The following SYTL2 variants were observed in gnomAD, a reference collection of about 807,000 sequenced individuals.
The protein encoded by SYTL2 is synaptotagmin like 2.
In SYTL2, 165 loss-of-function variants were observed where a neutral mutation model predicts 198.7. The observed-to-expected ratio is 0.83, with a 90% CI of 0.73 to 0.94. SYTL2 has a LOEUF of 0.94. Among genes scored for constraint, SYTL2 ranks in the 40% least tolerant of loss-of-function variants. SYTL2 has a pLI of 0.00. For synonymous variants in SYTL2, 966 were observed against 917.7 expected, an observed-to-expected ratio of 1.05 and a Z score of -0.95; for missense variants, 2,835 against 2,582.8, an observed-to-expected ratio of 1.10 and a Z score of -2.12.
chr11:85,829,453 C>T, the SYTL2 span, among the ~76,000 whole-genome samples: 4 of 152,100 alleles, frequency 2.6e-5, no homozygotes, highest in African/African-American at 7.2e-5. Context: ...AATCCACTGT[C>T]GATGGGCACG....
intron 8 of SYTL2, among the ~76,000 whole-genome samples, chr11:85,722,125 T>C (rs2088403012): frequency 6.6e-6 from 1 of 151,944 alleles, no homozygotes; most frequent in Non-Finnish European, 1.5e-5. Context: ...TACTTCTTAA[T>C]TGGCTTGTTA....
chr11:85,778,369 T>G (rs952802430), intron 1 of SYTL2, among the ~76,000 whole-genome samples: 1 of 152,202 alleles, frequency 6.6e-6, no homozygotes, highest in Admixed American at 6.5e-5. Flanking sequence ...AGGAGTGGTT[T>G]TGGAGTTTGG....
At chr11:85,731,169 A>T (rs1263954228) in intron 7 of SYTL2, among the ~76,000 whole-genome samples, 2 of 152,220 alleles carry the variant, frequency 1.3e-5, no homozygotes, top group Non-Finnish European at 2.9e-5. Flanking sequence ...GACCAAAGTA[A>T]TTTATAGATT....
rs1260679145 is a variant in SYTL2 at position 85,724,397 on chromosome 11, C to T, written c.4961G>A (p.Gly1654Asp). The T allele has an allele frequency of 6.3e-7, 1 of 1,596,922 alleles. No individual in the cohort carries two copies. Among genetic ancestry groups the T allele is most frequent in the Non-Finnish European group, 8.5e-7 (1 of 1,173,034 alleles). Residue 1654 changes from glycine (G) to aspartate (D), a missense_variant, in exon 8 of 20, where the codon GGT becomes GAT. Physicochemically the swap from Gly to Asp is moderately conservative, Grantham distance 94 (BLOSUM62 -1). Coordinates refer to ENST00000359152, the MANE Select transcript of SYTL2 (RefSeq NM_206927.4). Reference protein sequence around the residue: ...LVTDLLVDFCGSRSGVEIPRT... With the variant: ...LVTDLLVDFCDSRSGVEIPRT... ...AGGGATCTCAACTCCACTTCTGGAACCACAAAAATCTACCAATAAATCAGT... is the reference window on the plus strand; with the variant it reads ...AGGGATCTCAACTCCACTTCTGGAATCACAAAAATCTACCAATAAATCAGT...
intron 1 of SYTL2, among the ~76,000 whole-genome samples, chr11:85,775,528 G>A (rs899920302): frequency 2.6e-5 from 4 of 152,092 alleles, no homozygotes; most frequent in African/African-American, 9.7e-5. Context: ...TATCATCCAG[G>A]CTAGAGTACA....
At chr11:85,817,897 C>CTTTTTTTTT in the SYTL2 span, among the ~76,000 whole-genome samples, 33 of 119,876 alleles carry the variant, frequency 2.8e-4, 4 homozygotes, top group Non-Finnish European at 2.4e-4. Flanking sequence ...ACCTTTGTGT[C>CTTTTTTTTT]TTTTCTTTTT....
chr11:85,787,685 GT>G (rs886588615), intron 1 of SYTL2, among the ~76,000 whole-genome samples: 3 of 96,234 alleles, frequency 3.1e-5, no homozygotes, highest in African/African-American at 3.5e-5. Flanking sequence ...TCTTTTTTCT[GT>G]TTTTTTTTCT....
At chr11:85,809,216 C>A (rs1361061638) in intron 1 of SYTL2, among the ~76,000 whole-genome samples, 3 of 152,222 alleles carry the variant, frequency 2.0e-5, no homozygotes, top group African/African-American at 7.2e-5. Context: ...CACCAGCCAA[C>A]GGTTAGGGCT....
chr11:85,782,791 C>T (rs574040648), intron 1 of SYTL2, among the ~76,000 whole-genome samples: 1 of 152,308 alleles, frequency 6.6e-6, no homozygotes, highest in South Asian at 2.1e-4. Flanking sequence ...AAAATGCCAC[C>T]AGTCTCTTTA....
intron 18 of SYTL2, among the ~76,000 whole-genome samples, chr11:85,697,459 C>A (rs756053859): frequency 3.9e-5 from 6 of 152,150 alleles, no homozygotes; most frequent in Non-Finnish European, 5.9e-5. Flanking sequence ...TTACTAGATG[C>A]CAGTCACTTT....
chr11:85,729,886 C>T (rs1426611766), intron 7 of SYTL2, among the ~76,000 whole-genome samples: 4 of 152,038 alleles, frequency 2.6e-5, no homozygotes, highest in African/African-American at 7.2e-5. Context: ...ATCAAATAGA[C>T]ACAATAAAAA....
chr11:85,714,048 T>G (rs1307658793), intron 12 of SYTL2, among the ~76,000 whole-genome samples: 1 of 152,254 alleles, frequency 6.6e-6, no homozygotes, highest in Non-Finnish European at 1.5e-5. Context: ...ACAAACACTT[T>G]CAAACTAGTC....
chr11:85,830,505 T>C, the SYTL2 span, among the ~76,000 whole-genome samples: 1 of 152,306 alleles, frequency 6.6e-6, no homozygotes, highest in African/African-American at 2.4e-5. Flanking sequence ...TATCCCCTTG[T>C]CCAACCTCTG....
intron 1 of SYTL2, among the ~76,000 whole-genome samples, chr11:85,763,993 G>T (rs974591863): frequency 6.6e-6 from 1 of 152,184 alleles, no homozygotes; most frequent in African/African-American, 2.4e-5. Context: ...CCAGCCCGAT[G>T]ATCATCAGAT....
At chr11:85,750,522 T>C (rs583122) in intron 2 of SYTL2, among the ~76,000 whole-genome samples, 113,169 of 152,068 alleles carry the variant, frequency 0.74, 42,552 homozygotes, top group African/African-American at 0.85. Context: ...TACTATATCA[T>C]ATTCCAGTGA....
intron 1 of SYTL2, among the ~76,000 whole-genome samples, chr11:85,762,697 T>C (rs768688620): frequency 3.3e-5 from 5 of 152,230 alleles, no homozygotes; most frequent in Non-Finnish European, 7.3e-5. Flanking sequence ...GGTTAATACT[T>C]GTTAGGTCTC....
chr11:85,734,344 G>A lies in SYTL2; in HGVS notation c.985C>T (p.Pro329Ser). ...EDNSSPNSLE[P>S]LKHVRFSAVK... Reference sequence around the variant, plus strand: ...GCAGAGAATCTCACATGCTTTAATGGCTCCAGGGAGTTTGGGGAAGAGTTG... The same window carrying A: ...GCAGAGAATCTCACATGCTTTAATGACTCCAGGGAGTTTGGGGAAGAGTTG... Residue 329 changes from proline to serine, a missense_variant, in exon 7 of 20, where the codon CCA (proline) becomes TCA (serine). By Grantham distance (74) the Pro-to-Ser change is moderately conservative. Coordinates refer to ENST00000359152, the MANE Select transcript of SYTL2 (RefSeq NM_206927.4). 1 of 1,614,218 alleles carries A rather than the reference G, an allele frequency of 6.2e-7. No individual in the cohort carries two copies. Among genetic ancestry groups the A allele is most frequent in the Non-Finnish European group, 8.5e-7 (1 of 1,180,034 alleles).
chr11:85,854,215 G>GTATAAAT, the SYTL2 span: 1 of 151,192 alleles, frequency 6.6e-6, no homozygotes, highest in Admixed American at 6.6e-5. Context: ...AATACACCAT[G>GTATAAAT]TATAAATTAT....
intron 6 of SYTL2, among the ~76,000 whole-genome samples, chr11:85,735,236 T>C (rs2090220919): frequency 6.6e-6 from 1 of 152,224 alleles, no homozygotes; most frequent in African/African-American, 2.4e-5. Context: ...AAAAATCATG[T>C]ATAAACTTCA....
Sources: allele counts gnomAD v4.1 joint callset (sites outside exome capture counted in the v4.1 genomes callset), GRCh38; gene constraint gnomAD v4.1.1; transcripts MANE v1.5; gene names NCBI Gene and HGNC (gene_info 2026-07-23, HGNC 2026-07-21).